NCR3LG1: variants seen among roughly 807,000 people sequenced by gnomAD.
NCR3LG1 encodes natural killer cell cytotoxicity receptor 3 ligand 1.
Under a neutral mutation model 34.8 loss-of-function variants are expected in NCR3LG1, and 35 were observed. That is an observed-to-expected ratio of 1.01 (90% CI 0.77 to 1.33). NCR3LG1 has a LOEUF of 1.33. Among genes scored for constraint, NCR3LG1 ranks in the 40% most tolerant of loss-of-function variants. NCR3LG1 has a pLI of 0.00. For missense variants in NCR3LG1, 452 were observed against 423.3 expected (o/e 1.07, Z -0.60); for synonymous variants, 173 against 163.6 (o/e 1.06, Z -0.44).
chr11:17,354,525 C>T (rs1466618223), intron 1 of NCR3LG1, among the ~76,000 whole-genome samples: 1 of 149,004 alleles, frequency 6.7e-6, no homozygotes, highest in Non-Finnish European at 1.5e-5. Flanking sequence ...CCTTCTCCCT[C>T]CGACCCCCCA....
intron 2 of NCR3LG1, among the ~76,000 whole-genome samples, chr11:17,363,517 T>TCC (rs1953306669): frequency 2.3e-5 from 1 of 43,120 alleles, no homozygotes; most frequent in South Asian, 1.5e-3. Context: ...CCTCCCTCCC[T>TCC]CCCTCCCTCC....
At chr11:17,362,737 TTTC>T (rs775132312) in intron 2 of NCR3LG1, among the ~76,000 whole-genome samples, 2 of 91,480 alleles carry the variant, frequency 2.2e-5, no homozygotes, top group Non-Finnish European at 4.0e-5. Flanking sequence ...TCTTTCTTTC[TTTC>T]TTTCTTTCTT....
chr11:17,366,930 T>C, intron 2 of NCR3LG1, 79 bp from the exon 3 acceptor site: 1 of 1,042,620 alleles, frequency 9.6e-7, no homozygotes, highest in Non-Finnish European at 1.4e-6. Context: ...GAGGGTATGG[T>C]AGAAGCCAGT....
At chr11:17,363,128 G>A (rs1171543526) in intron 2 of NCR3LG1, among the ~76,000 whole-genome samples, 1 of 146,646 alleles carries the variant, frequency 6.8e-6, no homozygotes, top group Non-Finnish European at 1.5e-5. Flanking sequence ...AGTCTATGTT[G>A]CCCAGACTCG....
intron 3 of NCR3LG1, among the ~76,000 whole-genome samples, chr11:17,368,564 A>G (rs1953373106): frequency 6.6e-6 from 1 of 152,156 alleles, no homozygotes; most frequent in African/African-American, 2.4e-5. Context: ...GGGGTTGTCT[A>G]TGTGGTATGC....
chr11:17,366,974 G>C (rs1303821798), intron 2 of NCR3LG1, 35 bp from the exon 3 acceptor site: 1 of 1,478,250 alleles, frequency 6.8e-7, no homozygotes, highest in Middle Eastern at 1.9e-4. Context: ...AAAGGGTGCT[G>C]GGCCCAACTC....
In NCR3LG1 at chr11:17,373,883, AACCC is replaced by A. The variant is rs1448928492; in HGVS notation, c.*1373_*1376del. ...CCTCCCCTTAGTGGAAACCAGTATT[AACCC>A]AGAGGTTTGGGCAACTCAGGGAAGA... On this transcript the variant is annotated 3_prime_UTR_variant, in exon 5 of 5. Transcript: ENST00000338965. 1.3e-5 allele frequency: 2 copies of A among 152,206 alleles called. No homozygotes were observed. Among genetic ancestry groups the A allele is most frequent in the Non-Finnish European group, 2.9e-5 (2 of 68,070 alleles). The allele number at this position is 152,206 out of a possible 1,614,324, so 9.4% of individuals were successfully genotyped here.
At chr11:17,354,828 GT>G (rs1474799735) in intron 1 of NCR3LG1, among the ~76,000 whole-genome samples, 1 of 151,966 alleles carries the variant, frequency 6.6e-6, no homozygotes, top group Non-Finnish European at 1.5e-5. Context: ...AAGTTGGCAG[GT>G]TTTTGGATAC....
chr11:17,373,934 A>C lies in NCR3LG1; in HGVS notation c.*1422A>C, dbSNP rs372263676. 38 of 152,270 alleles carry C rather than the reference A, an allele frequency of 2.5e-4. No homozygotes were observed. The highest frequency in any genetic ancestry group is 8.9e-4 in the African/African-American group (37 of 41,522). 9.4% of individuals were successfully genotyped at this position (152,270 alleles called of 1,614,324 possible). On this transcript the variant is annotated 3_prime_UTR_variant, in exon 5 of 5. Coordinates refer to ENST00000338965, the MANE Select transcript of NCR3LG1 (RefSeq NM_001202439.3). ...AAGAAGTGGCCGGACTATAACCACT[A>C]TACCAGTCTGGATCCACCTCAAGGA...
intron 1 of NCR3LG1, among the ~76,000 whole-genome samples, chr11:17,354,528 A>AC (rs1248763142): frequency 1.1e-5 from 1 of 93,084 alleles, no homozygotes. Flanking sequence ...TCTCCCTCCG[A>AC]CCCCCCAATT....
intron 2 of NCR3LG1, among the ~76,000 whole-genome samples, chr11:17,365,608 T>C (rs1953336940): frequency 6.6e-6 from 1 of 152,174 alleles, no homozygotes; most frequent in African/African-American, 2.4e-5. Flanking sequence ...ATGGAGGGAA[T>C]AATCTAGGTA....
chr11:17,356,903 G>T lies in NCR3LG1; in HGVS notation c.323G>T (p.Arg108Leu), dbSNP rs888415200. ...CTGAAGAGTGGGGACGCCTCACTGC[G>T]GCTGCCTGGAATCCAGCTGGAGGAA... ...WRLKSGDASLRLPGIQLEEAG... is the reference protein window; with the variant it reads ...WRLKSGDASLLLPGIQLEEAG... Residue 108 changes from arginine (R) to leucine (L), a missense_variant, in exon 2 of 5, where the codon CGG becomes CTG. Arg to Leu is a moderately radical substitution (Grantham distance 102). Transcript: ENST00000338965. The T allele has an allele frequency of 1.7e-4, 264 of 1,536,022 alleles. No homozygotes were observed. Among genetic ancestry groups the T allele is most frequent in the Non-Finnish European group, 2.3e-4 (263 of 1,146,928 alleles).
chr11:17,378,116 A>G (rs143394838), downstream of NCR3LG1, among the ~76,000 whole-genome samples: 880 of 152,296 alleles, frequency 5.8e-3, 5 homozygotes, highest in Non-Finnish European at 9.5e-3. Context: ...GGAGCCATAG[A>G]AGCACAACAA....
chr11:17,356,799 C>T lies in NCR3LG1; in HGVS notation c.219C>T (p.Asp73=). The change falls in exon 2 of 5, where the codon GAC becomes GAT. Residue 73 remains aspartate (D), a synonymous_variant. Transcript: ENST00000338965. ...GGTTTTGGAAGAGTCTGACGTTTGA[C>T]AAAGAAGTCAAAGTCTTTGAATTTT... The part of the protein sequence containing the change: ...ITWFWKSLTF[D]KEVKVFEFFG... 1.3e-6 allele frequency: 2 copies of T among 1,536,196 alleles called. No individual in the cohort carries two copies. The highest frequency in any genetic ancestry group is 1.7e-6 in the Non-Finnish European group (2 of 1,146,928).
intron 4 of NCR3LG1, among the ~76,000 whole-genome samples, chr11:17,370,185 A>G (rs530340424): frequency 6.6e-6 from 1 of 152,286 alleles, no homozygotes; most frequent in Admixed American, 6.5e-5. Flanking sequence ...TCAGCTGTGA[A>G]ATGGCAACCC....
At chr11:17,362,503 T>G (rs1355570934) in intron 2 of NCR3LG1, among the ~76,000 whole-genome samples, 1 of 152,196 alleles carries the variant, frequency 6.6e-6, no homozygotes, top group African/African-American at 2.4e-5. Context: ...ATGTGTTCCC[T>G]CTGTCTACTT....
At chr11:17,364,123 C>T (rs1953318120) in intron 2 of NCR3LG1, among the ~76,000 whole-genome samples, 1 of 152,070 alleles carries the variant, frequency 6.6e-6, no homozygotes, top group South Asian at 2.1e-4. Context: ...TTTGCAGTAT[C>T]CCACAGTTCT....
chr11:17,362,673 C>CTCCT lies in NCR3LG1; in HGVS notation c.422-4318_422-4315dup, dbSNP rs145031864. 2.1e-3 allele frequency among the ~76,000 whole-genome samples: 132 copies of CTCCT among 63,838 alleles called. 11 individuals are homozygous for CTCCT. Among genetic ancestry groups the CTCCT allele is most frequent in the Middle Eastern group, 0.01 (1 of 100 alleles). 41.9% of individuals were successfully genotyped at this position (63,838 alleles called of 152,430 possible). A position where few individuals can be genotyped will look rare whatever the true frequency, so the allele number is the denominator to read the frequency against. On this transcript the variant is annotated intron_variant, in intron 2 of 4. Coordinates refer to ENST00000338965, the MANE Select transcript of NCR3LG1 (RefSeq NM_001202439.3). ...TTTTTACTAGTTATTGACTCAGTGT[C>CTCCT]TCCTTCCTTCCTTCCTTCCTTTCTT... is the stretch of plus-strand genomic sequence containing the variant.
chr11:17,373,866 T>TA lies in NCR3LG1; in HGVS notation c.*1355dup, dbSNP rs756546027. ...CTCCAGGACAAACTCCGCCTCCCCT[T>TA]AGTGGAAACCAGTATTAACCCAGAG... On this transcript the variant is annotated 3_prime_UTR_variant, in exon 5 of 5. Coordinates refer to ENST00000338965, the MANE Select transcript of NCR3LG1 (RefSeq NM_001202439.3). The TA allele has an allele frequency of 4.6e-5, 7 of 152,232 alleles. No homozygotes were observed. Among genetic ancestry groups the TA allele is most frequent in the Non-Finnish European group, 8.8e-5 (6 of 68,082 alleles). The allele number at this position is 152,232 out of a possible 1,614,324, so 9.4% of individuals were successfully genotyped here. A position where few individuals can be genotyped will look rare whatever the true frequency, so the allele number is the denominator to read the frequency against.
Sources: gnomAD v4.1 joint callset for allele counts (sites outside exome capture counted in the v4.1 genomes callset) on GRCh38, gnomAD v4.1.1 for gene constraint, MANE v1.5 for transcripts, NCBI Gene and HGNC (gene_info 2026-07-23, HGNC 2026-07-21) for gene names.